OR3A2: variants seen among roughly 807,000 people sequenced by gnomAD.
The protein encoded by OR3A2 is olfactory receptor family 3 subfamily A member 2.
For synonymous variants in OR3A2, 126 were observed against 159.3 expected (o/e 0.79, Z 1.57); for missense variants, 318 against 392.8 (o/e 0.81, Z 1.61).
chr17:3,379,958 T>C (rs868049829), intron 2 of OR3A2, among the ~76,000 whole-genome samples: 72 of 152,164 alleles, frequency 4.7e-4, no homozygotes, highest in African/African-American at 1.7e-3. Context: ...CTGCACTAGC[T>C]GAGGACTGAG....
chr17:3,352,456 TTA>T (rs1458627169), intron 2 of OR3A2, among the ~76,000 whole-genome samples: 9 of 152,052 alleles, frequency 5.9e-5, no homozygotes, highest in African/African-American at 1.9e-4. Flanking sequence ...GGGTCTAGTT[TTA>T]TTCTTCTGAC....
At chr17:3,310,244 T>C (rs2049029688) in intron 3 of OR3A2, 3 of 476,670 alleles carry the variant, frequency 6.3e-6, no homozygotes, top group South Asian at 4.8e-5. Context: ...TATCAACACC[T>C]CATCCTGCTT....
chr17:3,289,479 G>A (rs569003319), intron 3 of OR3A2, among the ~76,000 whole-genome samples: 2 of 152,212 alleles, frequency 1.3e-5, no homozygotes, highest in Admixed American at 6.5e-5. Flanking sequence ...TCTCCTTGAG[G>A]CTTGAAGTAA....
At chr17:3,320,629 A>G (rs1329403608) in intron 3 of OR3A2, among the ~76,000 whole-genome samples, 1 of 151,170 alleles carries the variant, frequency 6.6e-6, no homozygotes, top group East Asian at 1.9e-4. Context: ...CATTTATTAA[A>G]TAGGGAATCC....
chr17:3,346,993 C>A (rs941815924), intron 2 of OR3A2, among the ~76,000 whole-genome samples: 1 of 152,090 alleles, frequency 6.6e-6, no homozygotes, highest in South Asian at 2.1e-4. Context: ...AGTGCTGCAA[C>A]GAACATGGGA....
At chr17:3,279,148 G>GA (rs771463185) in intron 1 of OR3A2, 85 of 679,344 alleles carry the variant, frequency 1.3e-4, no homozygotes, top group Non-Finnish European at 1.9e-4. Context: ...GAAAAGGTCA[G>GA]AATACCTGGA....
chr17:3,283,395 T>C (rs1175960638), intron 1 of OR3A2, among the ~76,000 whole-genome samples: 1 of 152,068 alleles, frequency 6.6e-6, no homozygotes, highest in Non-Finnish European at 1.5e-5. Flanking sequence ...CCAGCTAACT[T>C]TGTATTTTTA....
At chr17:3,297,581 GC>G in intron 3 of OR3A2, among the ~76,000 whole-genome samples, 1 of 151,604 alleles carries the variant, frequency 6.6e-6, no homozygotes, top group Non-Finnish European at 1.5e-5. Context: ...ATACTTTACG[GC>G]TCTTAGCTCT....
intron 1 of OR3A2, among the ~76,000 whole-genome samples, chr17:3,282,614 G>C (rs116865039): frequency 0.02 from 3,078 of 152,288 alleles, 37 homozygotes; most frequent in Middle Eastern, 0.037. Context: ...TGTGGATGCG[G>C]TGATCTCCAA....
At chr17:3,339,842 G>T (rs1036325819) in intron 2 of OR3A2, among the ~76,000 whole-genome samples, 5 of 152,152 alleles carry the variant, frequency 3.3e-5, no homozygotes, top group African/African-American at 9.7e-5. Flanking sequence ...GTTTCAGAAG[G>T]AATGGTACCA....
rs1009925480 is a variant in OR3A2 at position 3,311,821 on chromosome 17, ATCC to A, written c.-85+24209_-85+24211del. Reference sequence around the variant, plus strand: ...CTCAGACAAAGATAAGGGGATTGGGATCCTCAACACTATCCTCAGTCCCATGCT... The same window carrying A: ...CTCAGACAAAGATAAGGGGATTGGGATCAACACTATCCTCAGTCCCATGCT... On this transcript the variant is annotated intron_variant, in intron 3 of 4. Transcript: ENST00000573491. The surrounding 1 kb of genome is among the most constrained non-coding windows in gnomAD (Gnocchi z 4.6). 1.6e-4 allele frequency: 31 copies of A among 194,100 alleles called. No homozygotes were observed. Among genetic ancestry groups the A allele is most frequent in the African/African-American group, 6.2e-4 (27 of 43,400 alleles). 12.0% of individuals were successfully genotyped at this position (194,100 alleles called of 1,614,324 possible). A position where few individuals can be genotyped will look rare whatever the true frequency, so the allele number is the denominator to read the frequency against.
At chr17:3,294,432 C>T (rs1052294824) in intron 3 of OR3A2, among the ~76,000 whole-genome samples, 2 of 151,888 alleles carry the variant, frequency 1.3e-5, no homozygotes, top group African/African-American at 4.8e-5. Flanking sequence ...GAGAAAATGA[C>T]AGATATGAGA....
At chr17:3,366,585 C>T in intron 2 of OR3A2, among the ~76,000 whole-genome samples, 1 of 152,150 alleles carries the variant, frequency 6.6e-6, no homozygotes, top group Non-Finnish European at 1.5e-5. Context: ...GATTAACAAC[C>T]CCAAGAACAT....
intron 2 of OR3A2, among the ~76,000 whole-genome samples, chr17:3,350,659 G>A (rs1366952780): frequency 3.3e-5 from 5 of 150,354 alleles, no homozygotes; most frequent in Admixed American, 6.6e-5. Flanking sequence ...TAGAAAAAGA[G>A]GGAATCCTCC....
At chr17:3,333,291 G>T (rs1276473645) in intron 3 of OR3A2, among the ~76,000 whole-genome samples, 1 of 152,156 alleles carries the variant, frequency 6.6e-6, no homozygotes, top group East Asian at 1.9e-4. Context: ...ATTTTGGTCA[G>T]ACCAGTTCTC....
At chr17:3,281,309 C>T (rs2048775358) in intron 1 of OR3A2, among the ~76,000 whole-genome samples, 2 of 151,464 alleles carry the variant, frequency 1.3e-5, no homozygotes, top group Non-Finnish European at 2.9e-5. Context: ...TCTCGGCTCA[C>T]TGCAACCTCC....
At chr17:3,297,427 T>C (rs2048928060) in intron 3 of OR3A2, among the ~76,000 whole-genome samples, 1 of 152,210 alleles carries the variant, frequency 6.6e-6, no homozygotes, top group Non-Finnish European at 1.5e-5. Flanking sequence ...GTTCTAACCA[T>C]TTACTTTATC....
intron 3 of OR3A2, among the ~76,000 whole-genome samples, chr17:3,295,932 A>G (rs2048915030): frequency 6.6e-6 from 1 of 152,178 alleles, no homozygotes; most frequent in South Asian, 2.1e-4. Context: ...ATGTTCAAAG[A>G]GAAATAGTCA....
intron 1 of OR3A2, among the ~76,000 whole-genome samples, chr17:3,283,361 G>C (rs1487692218): frequency 2.0e-5 from 3 of 152,110 alleles, no homozygotes; most frequent in Non-Finnish European, 4.4e-5. Context: ...GAGTAGCTGG[G>C]ATTACAGGCA....
Sources: gnomAD v4.1 joint callset for allele counts (sites outside exome capture counted in the v4.1 genomes callset) on GRCh38, gnomAD v4.1.1 for gene constraint, Gnocchi (gnomAD v3.1) non-coding constraint, MANE v1.5 for transcripts, NCBI Gene and HGNC (gene_info 2026-07-23, HGNC 2026-07-21) for gene names.